The following NLRC5 variants were observed in gnomAD, a reference collection of about 807,000 sequenced individuals.
NLRC5 encodes NLR family CARD domain containing 5.
Under a neutral mutation model 206.9 loss-of-function variants are expected in NLRC5, and 114 were observed. The ratio of observed to expected loss-of-function variants is 0.55; its 90% CI spans 0.47 to 0.64. The LOEUF (loss-of-function observed/expected upper bound fraction) is 0.64, where lower values mean the gene tolerates loss of function less well. NLRC5 is among the 30% of genes least tolerant of loss of function. The probability of loss-of-function intolerance (pLI) is 0.00; values close to 1 mark genes in which losing one functional copy is unlikely to be tolerated. For synonymous variants in NLRC5, 952 were observed against 962.8 expected, an observed-to-expected ratio of 0.99 and a Z score of 0.21; for missense variants, 2,008 against 2,305.5, an observed-to-expected ratio of 0.87 and a Z score of 2.64.
chr16:57,056,720 G>A (rs1207572063), intron 27 of NLRC5, among the ~76,000 whole-genome samples: 7 of 151,688 alleles, frequency 4.6e-5, no homozygotes, highest in Non-Finnish European at 8.8e-5. Flanking sequence ...ATGCAGTGGC[G>A]CAATTTCGGC....
chr16:57,045,523 C>T, intron 21 of NLRC5, 31 bp downstream of exon 21: 1 of 1,608,210 alleles, frequency 6.2e-7, no homozygotes, highest in South Asian at 1.1e-5. Context: ...GTGGGGGAGT[C>T]CCCTCCCGCT....
intron 11 of NLRC5, 116 bp downstream of exon 11, chr16:57,031,579 C>A: frequency 1.1e-6 from 1 of 911,086 alleles, no homozygotes. Context: ...GGAATTCTTC[C>A]TGCTACTGCT....
chr16:57,067,326 T>C, intron 34 of NLRC5, 61 bp from the exon 35 acceptor site: 3 of 1,346,844 alleles, frequency 2.2e-6, no homozygotes, highest in African/African-American at 1.4e-5. Flanking sequence ...TGCAGGCAGA[T>C]ACTGAATCCC....
Position 57,043,500 on chromosome 16 carries a change from C to A in NLRC5, c.3114-15C>A. On this transcript the variant is annotated splice_polypyrimidine_tract_variant and intron_variant, in intron 19 of 48. Transcript: ENST00000688547. ...TCCTGAGTGACCTCCATTGTGCCAC[C>A]CCTGTGATCTCCAGCCTCAGTGAGA... 1 of 1,610,104 alleles carries A rather than the reference C, an allele frequency of 6.2e-7. No individual in the cohort carries two copies. Among genetic ancestry groups the A allele is most frequent in the Non-Finnish European group, 8.5e-7 (1 of 1,176,310 alleles).
intron 36 of NLRC5, among the ~76,000 whole-genome samples, chr16:57,069,225 C>A (rs1038861740): frequency 6.6e-6 from 1 of 152,196 alleles, no homozygotes; most frequent in Non-Finnish European, 1.5e-5. Flanking sequence ...TTACTTAAAT[C>A]GATGAATCAG....
chr16:57,082,678 G>A lies in NLRC5; in HGVS notation c.*150G>A. The A allele has an allele frequency of 1.7e-6, 1 of 597,072 alleles. No homozygotes were observed. The highest frequency in any genetic ancestry group is 2.9e-6 in the Non-Finnish European group (1 of 342,838). The allele number at this position is 597,072 out of a possible 1,614,324, so 37.0% of individuals were successfully genotyped here. On this transcript the variant is annotated 3_prime_UTR_variant, in exon 49 of 49. Transcript: ENST00000688547. ...GGAAGGATACGTGTGTCCTGCTGCA[G>A]TCCTCAGGGAGAACTTTTTTGGGAA...
At chr16:57,018,740 A>G (rs1204376158) in intron 2 of NLRC5, among the ~76,000 whole-genome samples, 1 of 152,138 alleles carries the variant, frequency 6.6e-6, no homozygotes, top group African/African-American at 2.4e-5. Flanking sequence ...TATATAAAGC[A>G]CTTAGACAGT....
chr16:57,039,000 T>A (rs2062954138), intron 15 of NLRC5, among the ~76,000 whole-genome samples: 1 of 150,770 alleles, frequency 6.6e-6, no homozygotes, highest in Admixed American at 6.6e-5. Context: ...TCAATAATGA[T>A]CAAGTATTAA....
chr16:57,078,375 C>G (rs1370310757), intron 43 of NLRC5, among the ~76,000 whole-genome samples: 1 of 151,954 alleles, frequency 6.6e-6, no homozygotes, highest in Admixed American at 6.6e-5. Flanking sequence ...TTCGCAGGAG[C>G]ACGGTGCCAA....
At chr16:57,056,800 A>G (rs1418860007) in intron 27 of NLRC5, among the ~76,000 whole-genome samples, 2 of 151,992 alleles carry the variant, frequency 1.3e-5, no homozygotes, top group Non-Finnish European at 2.9e-5. Context: ...CTGAGATTAC[A>G]GGCATGAGCC....
chr16:57,000,055 C>G (rs1318764394), intron 1 of NLRC5, among the ~76,000 whole-genome samples: 1 of 152,166 alleles, frequency 6.6e-6, no homozygotes, highest in Admixed American at 6.5e-5. Context: ...CAGGTGATGC[C>G]GTCGTGCAGA....
At chr16:57,009,463 T>A (rs1237608262) in intron 1 of NLRC5, among the ~76,000 whole-genome samples, 1 of 151,754 alleles carries the variant, frequency 6.6e-6, no homozygotes, top group African/African-American at 2.4e-5. Flanking sequence ...CATGGTGGCG[T>A]GTGCCTGTGG....
chr16:57,024,492 C>G (rs58138751), intron 5 of NLRC5, among the ~76,000 whole-genome samples: 1 of 152,120 alleles, frequency 6.6e-6, no homozygotes, highest in Middle Eastern at 3.2e-3. Context: ...TAGGGTTCCC[C>G]CAAAAGCAGC....
chr16:57,065,783 C>T (rs1472786580), intron 33 of NLRC5, among the ~76,000 whole-genome samples: 1 of 152,212 alleles, frequency 6.6e-6, no homozygotes, highest in African/African-American at 2.4e-5. Flanking sequence ...AATTACGGCC[C>T]TTTGCAGGGC....
rs1257757247 is a variant in NLRC5, at chr16:57,043,498, A to G, written c.3114-17A>G. 1 of 1,608,342 alleles carries G rather than the reference A, an allele frequency of 6.2e-7. No homozygotes were observed. Among genetic ancestry groups the G allele is most frequent in the East Asian group, 2.2e-5 (1 of 44,812 alleles). ...GGTCCTGAGTGACCTCCATTGTGCC[A>G]CCCCTGTGATCTCCAGCCTCAGTGA... On this transcript the variant is annotated splice_polypyrimidine_tract_variant and intron_variant, in intron 19 of 48. Coordinates refer to ENST00000688547, the MANE Select transcript of NLRC5 (RefSeq NM_001384950.1).
chr16:57,013,535 T>C (rs2142709483), intron 1 of NLRC5: 2 of 883,122 alleles, frequency 2.3e-6, no homozygotes, highest in South Asian at 2.6e-5. Context: ...TACAGTACAA[T>C]TAACTTCAGA....
intron 43 of NLRC5, among the ~76,000 whole-genome samples, chr16:57,078,337 G>A (rs1351840675): frequency 6.6e-6 from 1 of 152,194 alleles, no homozygotes; most frequent in Non-Finnish European, 1.5e-5. Context: ...GGGTCCCTGA[G>A]GGCGAATGAG....
intron 1 of NLRC5, among the ~76,000 whole-genome samples, chr16:57,009,297 T>A (rs1259491965): frequency 1.6e-5 from 2 of 123,968 alleles, no homozygotes; most frequent in Admixed American, 8.2e-5. Context: ...TCTCAAAAAA[T>A]AAATAAATAA....
intron 20 of NLRC5, among the ~76,000 whole-genome samples, chr16:57,044,790 C>T (rs1297427967): frequency 7.2e-5 from 11 of 151,862 alleles, no homozygotes; most frequent in African/African-American, 1.2e-4. Context: ...AGCGTGATGG[C>T]ATGCACCTAC....
Sources: gnomAD v4.1 joint callset for allele counts (sites outside exome capture counted in the v4.1 genomes callset) on GRCh38, gnomAD v4.1.1 for gene constraint, MANE v1.5 for transcripts, NCBI Gene and HGNC (gene_info 2026-07-23, HGNC 2026-07-21) for gene names.